Variants in BRD7 observed in about 807,000 individuals in gnomAD.
BRD7 encodes the protein bromodomain containing 7, also known as bromodomain-containing protein 7.
A neutral mutation model predicts 82.1 loss-of-function variants in BRD7; 15 were observed. That is an observed-to-expected ratio of 0.18 (90% CI 0.12 to 0.28). The LOEUF is 0.28. BRD7 is among the 10% of genes least tolerant of loss of function. The pLI is 1.00. For missense variants in BRD7, 638 were observed against 779.9 expected (o/e 0.82, Z 2.17); for synonymous variants, 232 against 266.9 (o/e 0.87, Z 1.27).
rs747173962 is a variant in BRD7 at position 50,320,763 on chromosome 16, T to C, written c.1512A>G (p.Val504=). 6 of 1,613,082 alleles carry C rather than the reference T, an allele frequency of 3.7e-6. No homozygotes were observed. In the African/African-American group the frequency reaches 8.0e-5, roughly 22 times the overall value. The change falls in exon 14 of 17, where the codon GTA becomes GTG. Residue 504 remains valine, a synonymous_variant. Coordinates refer to ENST00000394688, the MANE Select transcript of BRD7 (RefSeq NM_013263.5). ...DTAKEMEITE[V]EPPGRLDSST... ...TGGAGTCCAAACGCCCTGGTGGCTC[T>C]ACTTCTGTAATCTGCTTCAAAAGGA...
At chr16:50,335,820 AC>A (rs1169404310) in intron 6 of BRD7, among the ~76,000 whole-genome samples, 5 of 152,318 alleles carry the variant, frequency 3.3e-5, no homozygotes, top group African/African-American at 1.2e-4. Flanking sequence ...TTTCCTCATC[AC>A]ACCATGCTCT....
rs974730708 is a variant in BRD7, at chr16:50,341,373, G to T, written c.592-1287C>A. On this transcript the variant is annotated intron_variant, in intron 5 of 16. Transcript: ENST00000394688. ...AAGAATTACTAGGCTGGGCATAGTG[G>T]CTCACCCTTATAATTCTAGCACTTT... Among the ~76,000 whole-genome samples the T allele has an allele frequency of 3.3e-5, 5 of 152,090 alleles. 1 individual carries two copies. The highest frequency in any genetic ancestry group is 6.5e-5 in the Admixed American group (1 of 15,270).
chr16:50,337,908 AGAGG>A, intron 6 of BRD7, among the ~76,000 whole-genome samples: 1 of 152,298 alleles, frequency 6.6e-6, no homozygotes. Flanking sequence ...AGAGAAAGAA[AGAGG>A]GAGAGAGGGA....
At chr16:50,327,699 G>C (rs2037396616) in intron 9 of BRD7, among the ~76,000 whole-genome samples, 3 of 152,166 alleles carry the variant, frequency 2.0e-5, no homozygotes, top group Admixed American at 2.0e-4. Flanking sequence ...CAAACACTAG[G>C]TTGGTATCTT....
intron 2 of BRD7, 99 bp from the exon 3 acceptor site, chr16:50,355,021 A>C: frequency 1.5e-6 from 2 of 1,363,462 alleles, no homozygotes; most frequent in Non-Finnish European, 2.0e-6. Context: ...ATTGTAAAGA[A>C]AATATTCTTA....
rs1368079895 is a variant in BRD7 at position 50,317,849 on chromosome 16, G to C, written c.*1362C>G. On this transcript the variant is annotated 3_prime_UTR_variant, in exon 17 of 17. Transcript: ENST00000394688. Reference sequence around the variant, plus strand: ...TACAATTTCTCCTGAGTTAACTTTTGTGAAAATAATACCTAAGGTTTTCTG... The same window carrying C: ...TACAATTTCTCCTGAGTTAACTTTTCTGAAAATAATACCTAAGGTTTTCTG... 1 of 152,188 alleles carries C rather than the reference G, an allele frequency of 6.6e-6. No homozygotes were observed. Among genetic ancestry groups the C allele is most frequent in the African/African-American group, 2.4e-5 (1 of 41,396 alleles). The allele number at this position is 152,188 out of a possible 1,614,324, so 9.4% of individuals were successfully genotyped here.
At chr16:50,320,057 A>G (rs1409608421) in intron 15 of BRD7, 27 bp from the exon 16 acceptor site, 52 of 1,590,190 alleles carry the variant, frequency 3.3e-5, no homozygotes, top group Non-Finnish European at 4.4e-5. Context: ...AGTTCCAGAT[A>G]CTAAAGCATG....
chr16:50,325,863 G>A lies in BRD7; in HGVS notation c.1216C>T (p.Pro406Ser), dbSNP rs747501631. ...TAATGCGGTGCATAAGAACTGTAGG[G>A]CCCATAATTCAAATATAACACTGTT... ...VTPVLYLNYG[P>S]YSSYAPHYDS... Residue 406 changes from proline (P) to serine (S), a missense_variant, in exon 11 of 17, where the codon CCC becomes TCC. Physicochemically the swap from Pro to Ser is moderately conservative, Grantham distance 74. Around this residue, in one of 3 missense-constraint regions of BRD7, gnomAD observed 402 missense variants for 500.8 expected, o/e 0.80. Coordinates refer to ENST00000394688, the MANE Select transcript of BRD7 (RefSeq NM_013263.5). 5 of 1,600,338 alleles carry A rather than the reference G, an allele frequency of 3.1e-6. No homozygotes were observed. The East Asian group carries it at 1.1e-4, about 36-fold the overall frequency.
intron 4 of BRD7, among the ~76,000 whole-genome samples, chr16:50,353,138 A>G (rs1420200451): frequency 1.3e-5 from 2 of 150,988 alleles, no homozygotes; most frequent in African/African-American, 2.4e-5. Context: ...GTGCTATCAC[A>G]GCTCACTGTA....
chr16:50,361,995 C>T (rs1031305130), intron 2 of BRD7, among the ~76,000 whole-genome samples: 1 of 152,172 alleles, frequency 6.6e-6, no homozygotes. Flanking sequence ...CCTGAAGTAG[C>T]CCATTAAGTA....
At chr16:50,368,662 G>A (rs2039251973) in intron 1 of BRD7, 64 bp downstream of exon 1, 1 of 1,502,332 alleles carries the variant, frequency 6.7e-7, no homozygotes, top group Non-Finnish European at 8.9e-7. Flanking sequence ...GAGCCACTGG[G>A]AAAGAGCGGA....
Position 50,368,361 on chromosome 16 carries a change from T to C in BRD7, c.50-63A>G, listed in dbSNP as rs557142684. On this transcript the variant is annotated intron_variant, in intron 1 of 16. Transcript: ENST00000394688. ...ATTAAAATCGGGGCTCTCCAGGGAG[T>C]GCTAAGGATGCAGAGCGCCAAGGCG... 21 of 1,526,196 alleles carry C rather than the reference T, an allele frequency of 1.4e-5. No homozygotes were observed. The African/African-American group carries it at 1.9e-4, about 14-fold the overall frequency. 94.5% of individuals were successfully genotyped at this position (1,526,196 alleles called of 1,614,324 possible).
chr16:50,355,036 C>T (rs1242977936), intron 2 of BRD7, 114 bp from the exon 3 acceptor site: 16 of 1,307,108 alleles, frequency 1.2e-5, no homozygotes, highest in Non-Finnish European at 1.7e-5. Context: ...TTCTTAATAA[C>T]AAGCTCAATG....
chr16:50,331,619 T>C (rs1450632091), intron 8 of BRD7, among the ~76,000 whole-genome samples: 1 of 152,214 alleles, frequency 6.6e-6, no homozygotes, highest in Admixed American at 6.5e-5. Context: ...GGAGAATTGC[T>C]TGAGCTCCCA....
rs766394136 is a variant in BRD7 at position 50,325,821 on chromosome 16, T to C, written c.1258A>G (p.Asn420Asp). 46 of 1,612,456 alleles carry C rather than the reference T, an allele frequency of 2.9e-5. No homozygotes were observed. The highest frequency in any genetic ancestry group is 1.7e-4 in the Middle Eastern group (1 of 6,032). ...AAATCAGAATCATCCTTGCTGATAT[T>C]TGCAAATGTGGAGTCATAATGCGGT... is the stretch of plus-strand genomic sequence containing the variant. Reference protein sequence around the residue: ...YAPHYDSTFANISKDDSDLIY... With the variant: ...YAPHYDSTFADISKDDSDLIY... The change falls in exon 11 of 17, where the codon AAT (asparagine) becomes GAT (aspartate). Residue 420 changes from asparagine to aspartate, a missense_variant. Physicochemically the swap from Asn to Asp is conservative, Grantham distance 23. Around this residue, in one of 3 missense-constraint regions of BRD7, gnomAD observed 402 missense variants for 500.8 expected, o/e 0.80. Coordinates refer to ENST00000394688, the MANE Select transcript of BRD7 (RefSeq NM_013263.5).
chr16:50,357,682 G>A (rs1434120051), intron 2 of BRD7, among the ~76,000 whole-genome samples: 1 of 152,092 alleles, frequency 6.6e-6, no homozygotes, highest in Non-Finnish European at 1.5e-5. Flanking sequence ...CAAACTTTTT[G>A]GTCAACGACC....
rs760484363 is a variant in BRD7, at chr16:50,354,973, T to A, written c.259-51A>T. Reference sequence around the variant, plus strand: ...TAGAAATATTTCAGAACCAATATCTTTAAATACATAAATCATTTTAAGGGG... The same window carrying A: ...TAGAAATATTTCAGAACCAATATCTATAAATACATAAATCATTTTAAGGGG... On this transcript the variant is annotated intron_variant, in intron 2 of 16. Coordinates refer to ENST00000394688, the MANE Select transcript of BRD7 (RefSeq NM_013263.5). The A allele has an allele frequency of 1.9e-6, 3 of 1,579,752 alleles. No homozygotes were observed. In the South Asian group the frequency reaches 3.4e-5, roughly 18 times the overall value.
At chr16:50,352,935 T>C (rs368421774) in intron 4 of BRD7, among the ~76,000 whole-genome samples, 10 of 152,196 alleles carry the variant, frequency 6.6e-5, no homozygotes, top group African/African-American at 2.2e-4. Context: ...CAGTCACACC[T>C]TGTAAATTGC....
intron 5 of BRD7, among the ~76,000 whole-genome samples, chr16:50,343,801 G>A (rs576787268): frequency 7.2e-5 from 11 of 152,332 alleles, no homozygotes; most frequent in East Asian, 1.9e-4. Flanking sequence ...CAAAGCCACC[G>A]GGAAGCTCGA....
Sources: allele counts gnomAD v4.1 joint callset (sites outside exome capture counted in the v4.1 genomes callset), GRCh38; gene constraint gnomAD v4.1.1; regional missense constraint gnomAD v4.1.1; transcripts MANE v1.5; gene names NCBI Gene and HGNC (gene_info 2026-07-23, HGNC 2026-07-21).